Variants in FARSB observed in about 807,000 individuals in gnomAD.
FARSB encodes phenylalanyl-tRNA synthetase subunit beta.
A neutral mutation model predicts 69.6 loss-of-function variants in FARSB; 40 were observed. The observed-to-expected ratio is 0.57, with a 90% CI of 0.45 to 0.75. The LOEUF (loss-of-function observed/expected upper bound fraction) is 0.75. FARSB is among the 30% of genes least tolerant of loss of function. The probability of loss-of-function intolerance (pLI) is 0.00; values close to 1 mark genes in which losing one functional copy is unlikely to be tolerated. For synonymous variants in FARSB, 235 were observed against 247.2 expected, an observed-to-expected ratio of 0.95 and a Z score of 0.46; for missense variants, 632 against 722.9, an observed-to-expected ratio of 0.87 and a Z score of 1.44.
chr2:222,586,931 A>G (rs1347204660), intron 16 of FARSB, among the ~76,000 whole-genome samples: 3 of 152,196 alleles, frequency 2.0e-5, no homozygotes, highest in Non-Finnish European at 4.4e-5. Context: ...ACCCACTGTC[A>G]ACATTAGACA....
Position 222,603,600 on chromosome 2 carries a change from TTAAG to T in FARSB, c.1463-3521_1463-3518del, listed in dbSNP as rs1393698256. 4.0e-5 allele frequency among the ~76,000 whole-genome samples: 6 copies of T among 150,106 alleles called. No individual in the cohort carries two copies. The Admixed American group carries it at 4.0e-4, about 10-fold the overall frequency. ...GATGGAGAAACAAAGCTCAGAATGA[TTAAG>T]TAACTTGGCCAAAGTCAAACTAATT... On this transcript the variant is annotated intron_variant, in intron 15 of 16. Coordinates refer to ENST00000281828, the MANE Select transcript of FARSB (RefSeq NM_005687.5).
In FARSB at chr2:222,639,694, G is replaced by C; in HGVS notation, c.341C>G (p.Thr114Arg). 1 of 1,476,412 alleles carries C rather than the reference G, an allele frequency of 6.8e-7. No homozygotes were observed. Among genetic ancestry groups the C allele is most frequent in the Non-Finnish European group, 9.3e-7 (1 of 1,075,858 alleles). The allele number at this position is 1,476,412 out of a possible 1,614,324, so 91.5% of individuals were successfully genotyped here. A position where few individuals can be genotyped will look rare whatever the true frequency, so the allele number is the denominator to read the frequency against. Residue 114 changes from threonine (T) to arginine (R), a missense_variant and splice_region_variant, in exon 5 of 17, where the codon ACA (threonine) becomes AGA (arginine). Physicochemically the swap from Thr to Arg is moderately conservative, Grantham distance 71. Transcript: ENST00000281828. ...KIQKLIITEE[T>R]AKIRPFAVAA... Reference sequence around the variant, plus strand: ...TACCGCAAAAGGACGTATCTTAGCTGTCTGAAATTCATAATATCATTAGAG... The same window carrying C: ...TACCGCAAAAGGACGTATCTTAGCTCTCTGAAATTCATAATATCATTAGAG...
intron 5 of FARSB, among the ~76,000 whole-genome samples, chr2:222,638,916 T>A (rs1691649347): frequency 6.6e-6 from 1 of 152,228 alleles, no homozygotes; most frequent in Non-Finnish European, 1.5e-5. Flanking sequence ...AGGTTTCTCA[T>A]CATCAGTAAG....
At chr2:222,583,880 G>A (rs1216553476) in intron 16 of FARSB, among the ~76,000 whole-genome samples, 1 of 152,114 alleles carries the variant, frequency 6.6e-6, no homozygotes, top group Non-Finnish European at 1.5e-5. Flanking sequence ...CTGCCGCCCT[G>A]TGATGAAATG....
At chr2:222,606,298 T>C (rs1018014812) in intron 15 of FARSB, among the ~76,000 whole-genome samples, 2 of 152,182 alleles carry the variant, frequency 1.3e-5, no homozygotes, top group African/African-American at 4.8e-5. Flanking sequence ...CTCCTTGAAA[T>C]TGCTGGGTAT....
Position 222,634,395 on chromosome 2 carries a change from T to G in FARSB, c.602A>C (p.Tyr201Ser), listed in dbSNP as rs753188977. Reference sequence around the variant, plus strand: ...ATAATCAAAAAGAATATTTACCTTGTATATGTTCATCAGTTCACAGGCTGT... The same window carrying G: ...ATAATCAAAAAGAATATTTACCTTGGATATGTTCATCAGTTCACAGGCTGT... ...EYTACELMNI[Y>S]KTDNHLKHYL... Residue 201 changes from tyrosine (Y) to serine (S), a missense_variant, in exon 6 of 17, where the codon TAC becomes TCC. Transcript: ENST00000281828. 3.2e-6 allele frequency: 5 copies of G among 1,571,386 alleles called. No homozygotes were observed. The South Asian group carries it at 6.0e-5, about 19-fold the overall frequency.
chr2:222,638,463 T>C (rs1691639381), intron 5 of FARSB, among the ~76,000 whole-genome samples: 1 of 152,258 alleles, frequency 6.6e-6, no homozygotes, highest in Non-Finnish European at 1.5e-5. Flanking sequence ...AGAAATCTTG[T>C]ATTTTGTTCT....
In FARSB at chr2:222,591,211, TA is replaced by T. The variant is rs71281780; in HGVS notation, c.1618+8716del. Among the ~76,000 whole-genome samples, 504 of 138,918 alleles carry T rather than the reference TA, an allele frequency of 3.6e-3. 3 individuals are homozygous for T. The highest frequency in any genetic ancestry group is 0.016 in the Admixed American group (221 of 13,876). The allele number at this position is 138,918 out of a possible 152,430, so 91.1% of individuals were successfully genotyped here. A position where few individuals can be genotyped will look rare whatever the true frequency, so the allele number is the denominator to read the frequency against. ...GGTAACAGAGTGAGACCCTGTCTCT[TA>T]AAAAAAAAAAAAAGGAAAGAAAGAA... On this transcript the variant is annotated intron_variant, in intron 16 of 16. Transcript: ENST00000281828.
chr2:222,631,805 T>TG (rs1691432732), intron 7 of FARSB, 131 bp from the exon 8 acceptor site: 1 of 641,724 alleles, frequency 1.6e-6, no homozygotes, highest in Admixed American at 2.9e-5. Flanking sequence ...TGGCCAGGGA[T>TG]GGTGGCTCAC....
intron 15 of FARSB, among the ~76,000 whole-genome samples, chr2:222,604,722 ATTTTT>A (rs56201038): frequency 1.9e-4 from 21 of 110,704 alleles, no homozygotes; most frequent in African/African-American, 6.0e-4. Flanking sequence ...TGCCCACTGA[ATTTTT>A]TTTTTTTTTT....
At chr2:222,638,718 A>AGC (rs1691645485) in intron 5 of FARSB, among the ~76,000 whole-genome samples, 1 of 152,214 alleles carries the variant, frequency 6.6e-6, no homozygotes, top group Non-Finnish European at 1.5e-5. Context: ...TCTACAGTTT[A>AGC]CTAAACTACA....
intron 2 of FARSB, chr2:222,644,634 C>G (rs1691802476): frequency 2.5e-6 from 1 of 404,782 alleles, no homozygotes; most frequent in African/African-American, 2.1e-5. Flanking sequence ...TCAGCAGCAC[C>G]CCCTTATCCA....
chr2:222,644,925 T>C (rs1691810248), intron 2 of FARSB, among the ~76,000 whole-genome samples: 1 of 150,788 alleles, frequency 6.6e-6, no homozygotes, highest in Non-Finnish European at 1.5e-5. Context: ...ACCAAAACTG[T>C]GGAGGCAAAA....
intron 16 of FARSB, among the ~76,000 whole-genome samples, chr2:222,598,083 T>C (rs944773740): frequency 1.3e-5 from 2 of 152,208 alleles, no homozygotes; most frequent in Non-Finnish European, 1.5e-5. Flanking sequence ...CCACCTATTC[T>C]TCCAAAGGCC....
intron 14 of FARSB, 59 bp from the exon 15 acceptor site, chr2:222,613,987 T>G: frequency 9.9e-7 from 1 of 1,011,794 alleles, no homozygotes; most frequent in East Asian, 2.4e-5. Flanking sequence ...AGACACTTGG[T>G]TAAAGACAAA....
At chr2:222,604,722 A>ATTT (rs56201038) in intron 15 of FARSB, among the ~76,000 whole-genome samples, 27,696 of 110,370 alleles carry the variant, frequency 0.25, 3,959 homozygotes, top group South Asian at 0.4. Flanking sequence ...TGCCCACTGA[A>ATTT]TTTTTTTTTT....
chr2:222,626,808 C>T (rs566332150), intron 10 of FARSB, among the ~76,000 whole-genome samples: 49 of 152,190 alleles, frequency 3.2e-4, no homozygotes, highest in African/African-American at 1.0e-3. Flanking sequence ...CCAAAGCGGG[C>T]GGATCACAAG....
At chr2:222,622,472 G>C (rs1346608156) in intron 13 of FARSB, among the ~76,000 whole-genome samples, 1 of 152,218 alleles carries the variant, frequency 6.6e-6, no homozygotes, top group African/African-American at 2.4e-5. Flanking sequence ...CATGGTTAAA[G>C]TATGAGTCCT....
At position 222,642,831 on chromosome 2, in the gene FARSB, TA is replaced by T; in HGVS notation, c.269+19del. 6.4e-7 allele frequency: 1 copy of T among 1,573,122 alleles called. No individual in the cohort carries two copies. On this transcript the variant is annotated intron_variant, in intron 3 of 16. Transcript: ENST00000281828. Reference sequence around the variant, plus strand: ...AGAAAACCCAACTTAGCAAAGTCTTTAAGGAACATATTTCCTTACCTTTCTT... The same window carrying T: ...AGAAAACCCAACTTAGCAAAGTCTTTAGGAACATATTTCCTTACCTTTCTT...
Sources: gnomAD v4.1 joint callset for allele counts (sites outside exome capture counted in the v4.1 genomes callset) on GRCh38, gnomAD v4.1.1 for gene constraint, MANE v1.5 for transcripts, NCBI Gene and HGNC (gene_info 2026-07-23, HGNC 2026-07-21) for gene names.